CRTC3: variants seen among roughly 807,000 people sequenced by gnomAD.
The protein encoded by CRTC3 is CREB-regulated transcription coactivator 3.
A neutral mutation model predicts 74.5 loss-of-function variants in CRTC3; 26 were observed. That is an observed-to-expected ratio of 0.35 (90% CI 0.26 to 0.48). CRTC3 has a LOEUF of 0.48. Among genes scored for constraint, CRTC3 ranks in the 20% least tolerant of loss-of-function variants. CRTC3 has a pLI of 0.99. For missense variants in CRTC3, 760 were observed against 787.3 expected (o/e 0.97, Z 0.41); for synonymous variants, 377 against 325.8 (o/e 1.16, Z -1.69).
At chr15:90,547,862 G>A (rs1442101997) in intron 2 of CRTC3, among the ~76,000 whole-genome samples, 1 of 148,106 alleles carries the variant, frequency 6.8e-6, no homozygotes, top group African/African-American at 2.5e-5. Context: ...ATAGGGCTTT[G>A]TAGGTATAGT....
chr15:90,627,471 C>T (rs1175842538), intron 10 of CRTC3, among the ~76,000 whole-genome samples: 2 of 152,230 alleles, frequency 1.3e-5, no homozygotes, highest in East Asian at 3.9e-4. Context: ...CACATAGCTC[C>T]TTTGGGTCTC....
At chr15:90,537,325 G>A (rs1326525332) in intron 1 of CRTC3, among the ~76,000 whole-genome samples, 1 of 152,214 alleles carries the variant, frequency 6.6e-6, no homozygotes, top group Non-Finnish European at 1.5e-5. Flanking sequence ...GGAGGCGTCA[G>A]AGTTGTTTGC....
intron 2 of CRTC3, among the ~76,000 whole-genome samples, chr15:90,575,437 A>G (rs1188562334): frequency 6.6e-6 from 1 of 152,222 alleles, no homozygotes; most frequent in Non-Finnish European, 1.5e-5. Flanking sequence ...TTTTGCTAAC[A>G]CTTTATACCT....
chr15:90,604,387 A>G lies in CRTC3; in HGVS notation c.416A>G (p.Gln139Arg). Residue 139 changes from glutamine to arginine, a missense_variant and splice_region_variant, in exon 5 of 15, where the codon CAG becomes CGG. Coordinates refer to ENST00000268184, the MANE Select transcript of CRTC3 (RefSeq NM_022769.5). Reference protein sequence around the residue: ...SQPLDESWPRQQPPWKDEKHP... With the variant: ...SQPLDESWPRRQPPWKDEKHP... ...TTATGTTGTTCTGGTTTTTAAAGGC[A>G]GCAGCCTCCTTGGAAAGACGAAAAG... 1 of 1,613,714 alleles carries G rather than the reference A, an allele frequency of 6.2e-7. No homozygotes were observed. Among genetic ancestry groups the G allele is most frequent in the Non-Finnish European group, 8.5e-7 (1 of 1,179,602 alleles).
chr15:90,612,316 G>A (rs1968382907), intron 6 of CRTC3, among the ~76,000 whole-genome samples: 2 of 152,084 alleles, frequency 1.3e-5, no homozygotes, highest in South Asian at 4.2e-4. Flanking sequence ...TGTGTAAAGC[G>A]CCTGGCACAT....
chr15:90,541,182 A>G (rs1342491399), intron 2 of CRTC3, among the ~76,000 whole-genome samples: 1 of 152,240 alleles, frequency 6.6e-6, no homozygotes, highest in Non-Finnish European at 1.5e-5. Context: ...TCTGTGAAAC[A>G]TTAGGAGCCT....
chr15:90,598,577 C>A, intron 3 of CRTC3: 1 of 700,504 alleles, frequency 1.4e-6, no homozygotes, highest in South Asian at 1.5e-5. Flanking sequence ...GAGATCCTAA[C>A]ATGAGTGTCT....
intron 5 of CRTC3, chr15:90,606,723 T>C (rs1968231703): frequency 6.6e-6 from 1 of 152,200 alleles, no homozygotes; most frequent in South Asian, 2.1e-4. Flanking sequence ...ACATAAATTA[T>C]ATCTTTTTGA....
chr15:90,625,726 C>A, intron 9 of CRTC3, 50 bp from the exon 10 acceptor site: 2 of 1,540,856 alleles, frequency 1.3e-6, no homozygotes, highest in Non-Finnish European at 1.8e-6. Context: ...TTTGGTTTCC[C>A]AACAGCCAAA....
intron 11 of CRTC3, among the ~76,000 whole-genome samples, chr15:90,632,076 A>AC (rs1555453710): frequency 6.9e-6 from 1 of 145,222 alleles, no homozygotes; most frequent in Non-Finnish European, 1.5e-5. Flanking sequence ...TAATTTTTGT[A>AC]TTTTTTTTTT....
At chr15:90,568,247 A>C (rs563605646) in intron 2 of CRTC3, among the ~76,000 whole-genome samples, 3 of 152,234 alleles carry the variant, frequency 2.0e-5, no homozygotes, top group Admixed American at 2.0e-4. Flanking sequence ...GTTTCTAGAG[A>C]TGGAATCTAC....
At chr15:90,562,051 G>A (rs1288280611) in intron 2 of CRTC3, among the ~76,000 whole-genome samples, 1 of 152,320 alleles carries the variant, frequency 6.6e-6, no homozygotes, top group East Asian at 1.9e-4. Context: ...GATAGCTAAT[G>A]TCTTAGCTCT....
intron 2 of CRTC3, among the ~76,000 whole-genome samples, chr15:90,576,911 A>T (rs895056686): frequency 3.9e-5 from 6 of 152,120 alleles, no homozygotes; most frequent in Non-Finnish European, 8.8e-5. Context: ...GGCTGTGAAG[A>T]GGAGAGACAC....
rs142537668 is a variant in CRTC3, at chr15:90,611,653, C to A, written c.578-2800C>A. ...GATTACTCCCATTCCCATGCCCCTACGCCCATTCAGTAGCCGAGTCCTGTT... is the reference window on the plus strand; with the variant it reads ...GATTACTCCCATTCCCATGCCCCTAAGCCCATTCAGTAGCCGAGTCCTGTT... On this transcript the variant is annotated intron_variant, in intron 6 of 14. Coordinates refer to ENST00000268184, the MANE Select transcript of CRTC3 (RefSeq NM_022769.5). Among the ~76,000 whole-genome samples, 7 of 152,262 alleles carry A rather than the reference C, an allele frequency of 4.6e-5. No homozygotes were observed. The South Asian group carries it at 1.2e-3, about 27-fold the overall frequency.
intron 9 of CRTC3, 137 bp from the exon 10 acceptor site, chr15:90,625,639 A>G: frequency 1.3e-6 from 1 of 748,202 alleles, no homozygotes; most frequent in South Asian, 1.6e-5. Flanking sequence ...GTGTTCTCAG[A>G]ATCAGAGAGG....
At chr15:90,570,077 C>T (rs906178257) in intron 2 of CRTC3, among the ~76,000 whole-genome samples, 1 of 152,060 alleles carries the variant, frequency 6.6e-6, no homozygotes, top group Admixed American at 6.6e-5. Context: ...AAAAGGAATA[C>T]AATTATATGG....
At chr15:90,596,156 G>A (rs1183344565) in intron 3 of CRTC3, 1 of 152,268 alleles carries the variant, frequency 6.6e-6, no homozygotes, top group Admixed American at 6.5e-5. Context: ...GGGACCCAGT[G>A]ATGAATAAGG....
intron 11 of CRTC3, among the ~76,000 whole-genome samples, chr15:90,631,601 G>A (rs1290543049): frequency 2.6e-5 from 4 of 151,772 alleles, no homozygotes; most frequent in South Asian, 2.1e-4. Context: ...GGTGGCACAC[G>A]CCTGTAATCC....
intron 11 of CRTC3, chr15:90,634,725 A>G: frequency 2.6e-6 from 2 of 770,460 alleles, no homozygotes; most frequent in Non-Finnish European, 4.5e-6. Flanking sequence ...GAAGGGAGTC[A>G]TGGCAGGACA....
Sources: allele counts gnomAD v4.1 joint callset (sites outside exome capture counted in the v4.1 genomes callset), GRCh38; gene constraint gnomAD v4.1.1; transcripts MANE v1.5; gene names NCBI Gene and HGNC (gene_info 2026-07-23, HGNC 2026-07-21).